Variants in SOX5 observed in about 807,000 individuals in gnomAD.
The protein encoded by SOX5 is SRY-box transcription factor 5, also known as transcription factor SOX-5.
SOX5 carries 9 observed loss-of-function variants against 92.0 expected under a neutral mutation model. The observed-to-expected ratio is 0.10, with a 90% confidence interval of 0.06 to 0.17. The LOEUF is 0.17. Ranked by LOEUF, SOX5 falls within the 10% of genes least tolerant of loss-of-function variation. The pLI is 1.00. For synonymous variants in SOX5, 344 were observed against 336.3 expected (o/e 1.02, Z -0.25); for missense variants, 642 against 944.5 (o/e 0.68, Z 4.20).
At chr12:23,862,880 G>C (rs895503254) in intron 2 of SOX5, among the ~76,000 whole-genome samples, 1 of 152,030 alleles carries the variant, frequency 6.6e-6, no homozygotes, top group African/African-American at 2.4e-5. Context: ...CTCACTGTAG[G>C]CCAAATTCTT....
intron 1 of SOX5, among the ~76,000 whole-genome samples, chr12:23,945,846 T>G (rs1312213853): frequency 1.3e-5 from 2 of 152,124 alleles, no homozygotes; most frequent in Admixed American, 1.3e-4. Flanking sequence ...TTTGTTGTTG[T>G]TGTTAAGGTT....
intron 1 of SOX5, among the ~76,000 whole-genome samples, chr12:24,425,785 A>T (rs978396293): frequency 2.0e-5 from 3 of 152,162 alleles, no homozygotes; most frequent in African/African-American, 4.8e-5. Context: ...TTTGGTCCAA[A>T]CCTCTTCTTA....
At chr12:24,292,044 T>C (rs1346813773) in intron 2 of SOX5, among the ~76,000 whole-genome samples, 1 of 152,238 alleles carries the variant, frequency 6.6e-6, no homozygotes, top group Non-Finnish European at 1.5e-5. Flanking sequence ...CAAGGCACTA[T>C]GACAGGCTTG....
chr12:23,696,657 T>C (rs2089918655), intron 6 of SOX5, among the ~76,000 whole-genome samples: 1 of 152,200 alleles, frequency 6.6e-6, no homozygotes, highest in Non-Finnish European at 1.5e-5. Flanking sequence ...GCTCTCTTTC[T>C]AGTTTTTCAA....
chr12:23,623,153 A>G (rs2077377349), intron 8 of SOX5, among the ~76,000 whole-genome samples: 1 of 152,118 alleles, frequency 6.6e-6, no homozygotes, highest in Non-Finnish European at 1.5e-5. Context: ...CAGCAAAAAC[A>G]TTTTTTGAAA....
chr12:24,384,143 A>G (rs927816054), intron 1 of SOX5, among the ~76,000 whole-genome samples: 4 of 152,126 alleles, frequency 2.6e-5, no homozygotes, highest in African/African-American at 9.7e-5. Flanking sequence ...TCCTTCCTTT[A>G]TAAATTACCC....
intron 7 of SOX5, among the ~76,000 whole-genome samples, chr12:23,648,615 G>C (rs986178038): frequency 1.3e-5 from 2 of 152,166 alleles, no homozygotes; most frequent in African/African-American, 4.8e-5. Context: ...AACACAGAGA[G>C]AAGGTGGTCA....
At chr12:23,857,607 T>G (rs1595097283) in intron 2 of SOX5, among the ~76,000 whole-genome samples, 1 of 152,296 alleles carries the variant, frequency 6.6e-6, no homozygotes, top group East Asian at 1.9e-4. Flanking sequence ...GATAGTTACT[T>G]CTATAGGGAC....
At chr12:23,687,214 T>C (rs2087759406) in intron 6 of SOX5, among the ~76,000 whole-genome samples, 1 of 152,018 alleles carries the variant, frequency 6.6e-6, no homozygotes, top group African/African-American at 2.4e-5. Context: ...GAGCAAAACT[T>C]GTATTTTCAA....
intron 4 of SOX5, among the ~76,000 whole-genome samples, chr12:24,106,092 T>A (rs773095682): frequency 2.0e-5 from 3 of 151,358 alleles, no homozygotes; most frequent in East Asian, 3.9e-4. Context: ...TAAACTAAAA[T>A]CATTTGCATT....
At chr12:24,046,720 C>T (rs1215002588) in intron 4 of SOX5, among the ~76,000 whole-genome samples, 1 of 130,022 alleles carries the variant, frequency 7.7e-6, no homozygotes, top group African/African-American at 2.8e-5. Flanking sequence ...GCTTTTGTTG[C>T]CCAGGCTGGA....
At chr12:23,600,456 A>G (rs1282935043) in intron 9 of SOX5, among the ~76,000 whole-genome samples, 1 of 146,032 alleles carries the variant, frequency 6.8e-6, no homozygotes, top group Non-Finnish European at 1.5e-5. Flanking sequence ...AATTTTTAAA[A>G]TCTGTCAATG....
chr12:23,777,592 T>C (rs2095145864), intron 3 of SOX5, among the ~76,000 whole-genome samples: 1 of 152,100 alleles, frequency 6.6e-6, no homozygotes, highest in South Asian at 2.1e-4. Flanking sequence ...TACCTTTCTT[T>C]GCACAGTCTA....
chr12:24,172,556 A>G (rs933575502), intron 4 of SOX5, among the ~76,000 whole-genome samples: 2 of 152,092 alleles, frequency 1.3e-5, no homozygotes, highest in African/African-American at 4.8e-5. Flanking sequence ...AAGAAAAGAA[A>G]AGAAAGATAA....
At chr12:24,199,379 T>A (rs1957308286) in intron 4 of SOX5, among the ~76,000 whole-genome samples, 1 of 152,174 alleles carries the variant, frequency 6.6e-6, no homozygotes, top group Non-Finnish European at 1.5e-5. Context: ...AATTAAAGCA[T>A]GCTGCATTTT....
chr12:23,732,984 T>C (rs2093447345), intron 6 of SOX5, among the ~76,000 whole-genome samples: 1 of 152,194 alleles, frequency 6.6e-6, no homozygotes, highest in African/African-American at 2.4e-5. Context: ...TTTCAACTTT[T>C]TGTCATTATG....
chr12:24,456,001 C>A (rs2137407663), intron 1 of SOX5, among the ~76,000 whole-genome samples: 1 of 152,260 alleles, frequency 6.6e-6, no homozygotes, highest in African/African-American at 2.4e-5. Context: ...CAGTCCACTT[C>A]CTCCCTCTGC....
intron 1 of SOX5, among the ~76,000 whole-genome samples, chr12:24,544,956 T>C (rs1952478879): frequency 6.6e-6 from 1 of 152,238 alleles, no homozygotes; most frequent in African/African-American, 2.4e-5. Flanking sequence ...CTTTATTTAC[T>C]CTTTATCTTA....
intron 1 of SOX5, among the ~76,000 whole-genome samples, chr12:24,546,960 G>T (rs1254900295): frequency 6.6e-6 from 1 of 152,068 alleles, no homozygotes; most frequent in African/African-American, 2.4e-5. Context: ...AAAATAAGTT[G>T]TATTTAAAAA....
Sources: gnomAD v4.1 joint callset for allele counts (sites outside exome capture counted in the v4.1 genomes callset) on GRCh38, gnomAD v4.1.1 for gene constraint, MANE v1.5 for transcripts, NCBI Gene and HGNC (gene_info 2026-07-23, HGNC 2026-07-21) for gene names.